Variants in FMN1 observed in about 807,000 individuals in gnomAD.
FMN1 encodes formin-1.
In FMN1, 110 loss-of-function variants were observed where a neutral mutation model predicts 132.4. The observed-to-expected ratio is 0.83, with a 90% CI of 0.71 to 0.97. The LOEUF (loss-of-function observed/expected upper bound fraction) is 0.97, where lower values mean the gene tolerates loss of function less well. Ranked by LOEUF, FMN1 falls within the 50% of genes least tolerant of loss-of-function variation. The pLI, the probability that FMN1 is intolerant of heterozygous loss-of-function variation, is 0.00. For missense variants in FMN1, 1,792 were observed against 1,705.3 expected (o/e 1.05, Z -0.90); for synonymous variants, 722 against 651.7 (o/e 1.11, Z -1.64).
chr15:32,991,521 C>A (rs1345432058), intron 7 of FMN1, among the ~76,000 whole-genome samples: 1 of 152,178 alleles, frequency 6.6e-6, no homozygotes, highest in Non-Finnish European at 1.5e-5. Flanking sequence ...GGCTGTGATT[C>A]AAAGCTGAGT....
intron 5 of FMN1, among the ~76,000 whole-genome samples, chr15:33,076,497 A>G (rs1047242972): frequency 6.6e-6 from 1 of 152,214 alleles, no homozygotes; most frequent in Admixed American, 6.5e-5. Context: ...AAAGGGGACA[A>G]AAGAAAATCT....
At chr15:33,180,692 G>A (rs566580963) in intron 2 of FMN1, among the ~76,000 whole-genome samples, 7 of 150,282 alleles carry the variant, frequency 4.7e-5, no homozygotes, top group South Asian at 2.1e-4. Context: ...TGGCCACATC[G>A]TGCCTCAGCT....
At chr15:33,112,453 C>T (rs1327649951) in intron 4 of FMN1, among the ~76,000 whole-genome samples, 2 of 152,050 alleles carry the variant, frequency 1.3e-5, no homozygotes, top group Non-Finnish European at 2.9e-5. Context: ...TGTTATTGCT[C>T]CATTAAACAA....
intron 19 of FMN1, among the ~76,000 whole-genome samples, chr15:32,780,255 G>C (rs965432142): frequency 6.6e-6 from 1 of 152,166 alleles, no homozygotes; most frequent in Admixed American, 6.5e-5. Flanking sequence ...GACACAGGAA[G>C]AGACATGAGG....
chr15:33,079,917 TTTGAA>T (rs2038381327), intron 5 of FMN1, among the ~76,000 whole-genome samples: 2 of 152,234 alleles, frequency 1.3e-5, no homozygotes, highest in Admixed American at 1.3e-4. Flanking sequence ...AGTTCATCCC[TTTGAA>T]TTGTTCTTTT....
At chr15:32,818,784 C>T (rs571979537) in intron 17 of FMN1, among the ~76,000 whole-genome samples, 105 of 152,146 alleles carry the variant, frequency 6.9e-4, no homozygotes, top group Non-Finnish European at 1.1e-3. Flanking sequence ...CACACAAGCA[C>T]GCATTCAGTA....
At chr15:33,149,426 T>C (rs1964358265) in intron 4 of FMN1, among the ~76,000 whole-genome samples, 1 of 152,226 alleles carries the variant, frequency 6.6e-6, no homozygotes, top group Non-Finnish European at 1.5e-5. Flanking sequence ...ATTTCTCTAA[T>C]GATGAACATT....
intron 7 of FMN1, among the ~76,000 whole-genome samples, chr15:32,988,189 A>G (rs2033203183): frequency 6.6e-6 from 1 of 151,990 alleles, no homozygotes. Context: ...CATAGCTCAC[A>G]AATCAGAAAA....
chr15:32,811,122 T>C, intron 17 of FMN1: 2 of 456,212 alleles, frequency 4.4e-6, no homozygotes, highest in South Asian at 1.5e-5. Flanking sequence ...CTTTTAACAT[T>C]TGAGAGAAGA....
intron 7 of FMN1, among the ~76,000 whole-genome samples, chr15:33,001,000 C>T (rs1030130396): frequency 2.2e-4 from 33 of 152,038 alleles, no homozygotes; most frequent in Admixed American, 1.9e-3. Context: ...AATAAATCCA[C>T]GGCCAGGCAC....
At chr15:32,941,594 C>A (rs1285067866) in intron 9 of FMN1, among the ~76,000 whole-genome samples, 1 of 151,910 alleles carries the variant, frequency 6.6e-6, no homozygotes, top group Non-Finnish European at 1.5e-5. Flanking sequence ...ATCATACTCA[C>A]TTTTCATTCT....
At chr15:33,015,698 T>C (rs2035004806) in intron 6 of FMN1, among the ~76,000 whole-genome samples, 3 of 132,214 alleles carry the variant, frequency 2.3e-5, no homozygotes, top group South Asian at 2.8e-4. Context: ...CAAGTACATA[T>C]GTGACTTAAA....
intron 6 of FMN1, among the ~76,000 whole-genome samples, chr15:33,022,151 A>G (rs928600217): frequency 6.6e-6 from 1 of 152,200 alleles, no homozygotes; most frequent in African/African-American, 2.4e-5. Flanking sequence ...TAAATACCTA[A>G]TACAACGTCA....
chr15:32,866,432 G>C (rs2059395461), intron 16 of FMN1, among the ~76,000 whole-genome samples: 1 of 152,060 alleles, frequency 6.6e-6, no homozygotes, highest in Non-Finnish European at 1.5e-5. Context: ...TAAAACGCTA[G>C]CCAAAATATT....
At chr15:32,882,695 TG>T (rs1306817221) in intron 16 of FMN1, among the ~76,000 whole-genome samples, 1 of 152,160 alleles carries the variant, frequency 6.6e-6, no homozygotes, top group Non-Finnish European at 1.5e-5. Context: ...AATTTTTTAG[TG>T]TAAGTGTGTA....
At chr15:32,908,684 T>C (rs2060488078) in intron 11 of FMN1, 106 bp from the exon 12 acceptor site, 4 of 676,882 alleles carry the variant, frequency 5.9e-6, no homozygotes, top group Non-Finnish European at 1.0e-5. Flanking sequence ...GTTCCTAGAC[T>C]AGCAGCATCA....
chr15:32,776,203 T>C (rs918207886), intron 20 of FMN1, among the ~76,000 whole-genome samples: 1 of 152,234 alleles, frequency 6.6e-6, no homozygotes, highest in Non-Finnish European at 1.5e-5. Flanking sequence ...CTCGGCATCC[T>C]GGGATCCTAA....
At chr15:33,111,506 G>A (rs2039703430) in intron 4 of FMN1, among the ~76,000 whole-genome samples, 1 of 152,092 alleles carries the variant, frequency 6.6e-6, no homozygotes, top group South Asian at 2.1e-4. Context: ...AAAAGCACAT[G>A]TCCACACAAA....
intron 6 of FMN1, among the ~76,000 whole-genome samples, chr15:33,009,595 C>A (rs893164246): frequency 5.3e-5 from 8 of 152,182 alleles, no homozygotes; most frequent in African/African-American, 1.7e-4. Flanking sequence ...TAAAGGATTT[C>A]ATTTGCTGAC....
Sources: gnomAD v4.1 joint callset for allele counts (sites outside exome capture counted in the v4.1 genomes callset) on GRCh38, gnomAD v4.1.1 for gene constraint, MANE v1.5 for transcripts, NCBI Gene and HGNC (gene_info 2026-07-23, HGNC 2026-07-21) for gene names.